The following SYCP2L variants were observed in gnomAD, a reference collection of about 807,000 sequenced individuals.
SYCP2L encodes synaptonemal complex protein 2-like.
Under a neutral mutation model 125.8 loss-of-function variants are expected in SYCP2L, and 98 were observed. That is an observed-to-expected ratio of 0.78 (90% CI 0.66 to 0.92). The LOEUF (loss-of-function observed/expected upper bound fraction) is 0.92. Among genes scored for constraint, SYCP2L ranks in the 40% least tolerant of loss-of-function variants. The probability of loss-of-function intolerance (pLI) is 0.00; values close to 1 mark genes in which losing one functional copy is unlikely to be tolerated. For missense variants in SYCP2L, 842 were observed against 936.4 expected (o/e 0.90, Z 1.32); for synonymous variants, 317 against 325.4 (o/e 0.97, Z 0.28).
Position 10,924,606 on chromosome 6 carries a change from C to G in SYCP2L, c.1183C>G (p.Gln395Glu). 1 of 1,593,730 alleles carries G rather than the reference C, an allele frequency of 6.3e-7. No homozygotes were observed. The highest frequency in any genetic ancestry group is 8.5e-7 in the Non-Finnish European group (1 of 1,174,092). The change falls in exon 15 of 30, where the codon CAA becomes GAA. Residue 395 changes from glutamine (Q) to glutamate (E), a missense_variant. Gln to Glu is a conservative substitution (Grantham distance 29). Coordinates refer to ENST00000283141, the MANE Select transcript of SYCP2L (RefSeq NM_001040274.3). ...TTTTGATTTGCAGTTCAACATATCA[C>G]AAGTTTCCATTCAAGCTTTAGGAGA... Reference protein sequence around the residue: ...IHFDLQFNISQVSIQALGEDK... With the variant: ...IHFDLQFNISEVSIQALGEDK...
chr6:10,892,361 A>G (rs1038171952), intron 2 of SYCP2L, among the ~76,000 whole-genome samples: 1 of 152,192 alleles, frequency 6.6e-6, no homozygotes, highest in South Asian at 2.1e-4. Context: ...GTGCAGTGGT[A>G]CAATCATGGC....
At chr6:10,907,008 A>G (rs1780509239) in intron 9 of SYCP2L, among the ~76,000 whole-genome samples, 1 of 151,978 alleles carries the variant, frequency 6.6e-6, no homozygotes, top group East Asian at 1.9e-4. Context: ...TTATATGCCA[A>G]CCTCTTGTTT....
At chr6:10,920,516 C>A (rs1003216704) in intron 14 of SYCP2L, among the ~76,000 whole-genome samples, 2 of 152,196 alleles carry the variant, frequency 1.3e-5, no homozygotes, top group African/African-American at 2.4e-5. Flanking sequence ...CGTGCCTGGC[C>A]TCCTTAGAAT....
chr6:10,917,607 A>G (rs1047906975), intron 14 of SYCP2L, among the ~76,000 whole-genome samples: 4 of 152,216 alleles, frequency 2.6e-5, no homozygotes, highest in Non-Finnish European at 4.4e-5. Context: ...GCAATTCTGT[A>G]TCTCTTAAGT....
At chr6:10,961,947 C>T (rs939039741) in intron 28 of SYCP2L, among the ~76,000 whole-genome samples, 10 of 152,072 alleles carry the variant, frequency 6.6e-5, no homozygotes, top group Non-Finnish European at 1.3e-4. Flanking sequence ...TTCTATTTTA[C>T]TCATTTACAC....
At chr6:10,936,396 C>T (rs549220606) in intron 21 of SYCP2L, among the ~76,000 whole-genome samples, 1 of 152,062 alleles carries the variant, frequency 6.6e-6, no homozygotes, top group Non-Finnish European at 1.5e-5. Context: ...ACTCGGGAGG[C>T]TGAGACAGGA....
At chr6:10,941,521 T>G (rs949924572) in intron 21 of SYCP2L, among the ~76,000 whole-genome samples, 52 of 152,278 alleles carry the variant, frequency 3.4e-4, no homozygotes, top group African/African-American at 1.2e-3. Flanking sequence ...AAGAAGACAT[T>G]TATGCAGCCA....
At chr6:10,895,969 A>C (rs7450257) in intron 4 of SYCP2L, among the ~76,000 whole-genome samples, 1 of 151,874 alleles carries the variant, frequency 6.6e-6, no homozygotes. Context: ...CCTTGCCAAC[A>C]TGGTGAAACC....
rs34079965 is a variant in SYCP2L, at chr6:10,942,761, C to CTT, written c.1954+30_1954+31dup. On this transcript the variant is annotated intron_variant, in intron 23 of 29. Coordinates refer to ENST00000283141, the MANE Select transcript of SYCP2L (RefSeq NM_001040274.3). ...GGAAGACAAAGGTAAGAGAATAGTA[C>CTT]TTTTTTTTTTTTTTTTGCAGAATAA... 1,266 of 1,404,486 alleles carry CTT rather than the reference C, an allele frequency of 9.0e-4. No individual in the cohort carries two copies. Among genetic ancestry groups the CTT allele is most frequent in the South Asian group, 1.5e-3 (113 of 74,676 alleles). 87.0% of individuals were successfully genotyped at this position (1,404,486 alleles called of 1,614,324 possible).
intron 14 of SYCP2L, among the ~76,000 whole-genome samples, chr6:10,919,926 C>T (rs1780763383): frequency 6.6e-6 from 1 of 152,042 alleles, no homozygotes; most frequent in Non-Finnish European, 1.5e-5. Flanking sequence ...CCCACGGTAC[C>T]CCCCACCCTC....
chr6:10,905,082 G>T (rs1198394003), intron 8 of SYCP2L, among the ~76,000 whole-genome samples: 2 of 139,436 alleles, frequency 1.4e-5, no homozygotes, highest in African/African-American at 5.3e-5. Context: ...AGAGTGCATT[G>T]CAGTGAGTCG....
intron 29 of SYCP2L, among the ~76,000 whole-genome samples, chr6:10,966,485 T>G (rs896804382): frequency 2.6e-5 from 4 of 152,124 alleles, no homozygotes; most frequent in African/African-American, 9.7e-5. Context: ...TCAGGACCAA[T>G]GGATGGGAGA....
chr6:10,957,592 C>T (rs1233742708), intron 25 of SYCP2L, among the ~76,000 whole-genome samples: 3 of 152,086 alleles, frequency 2.0e-5, no homozygotes, highest in Admixed American at 6.5e-5. Flanking sequence ...GGGGGAGAAT[C>T]GCTTGAGGCC....
chr6:10,947,189 A>G (rs1451795439), intron 23 of SYCP2L, among the ~76,000 whole-genome samples: 1 of 151,896 alleles, frequency 6.6e-6, no homozygotes, highest in Non-Finnish European at 1.5e-5. Context: ...CCCTGAAGAT[A>G]TTTTTGAGCT....
chr6:10,890,141 C>G lies in SYCP2L; in HGVS notation c.10-1372C>G, dbSNP rs536177972. 2.0e-5 allele frequency among the ~76,000 whole-genome samples: 3 copies of G among 152,278 alleles called. No homozygotes were observed. In the South Asian group the frequency reaches 6.2e-4, roughly 32 times the overall value. On this transcript the variant is annotated intron_variant, in intron 1 of 29. Transcript: ENST00000283141. Reference sequence around the variant, plus strand: ...ATGGACACTTAAGTTGATTCCATATCTTGGCTATTATGAATAGCGCTGCAG... The same window carrying G: ...ATGGACACTTAAGTTGATTCCATATGTTGGCTATTATGAATAGCGCTGCAG...
At chr6:10,928,265 G>C (rs536181619) in intron 17 of SYCP2L, 138 bp from the exon 18 acceptor site, 1 of 500,140 alleles carries the variant, frequency 2.0e-6, no homozygotes, top group Non-Finnish European at 3.5e-6. Context: ...ACAAGGGGAA[G>C]TGATAAGTGT....
intron 2 of SYCP2L, among the ~76,000 whole-genome samples, chr6:10,893,271 T>TA (rs1780206031): frequency 6.6e-6 from 1 of 152,244 alleles, no homozygotes; most frequent in South Asian, 2.1e-4. Flanking sequence ...GTGCTGGGAT[T>TA]ACAGGCGTGC....
In SYCP2L at chr6:10,891,599, T is replaced by C; in HGVS notation, c.78+18T>C. On this transcript the variant is annotated intron_variant, in intron 2 of 29. Coordinates refer to ENST00000283141, the MANE Select transcript of SYCP2L (RefSeq NM_001040274.3). ...CTTTCTGGGTAAAGATCAAGTTTCT[T>C]TTATAATCTCTCTCTGTGTGTGTGT... The C allele has an allele frequency of 6.9e-7, 1 of 1,442,204 alleles. No individual in the cohort carries two copies. The highest frequency in any genetic ancestry group is 9.7e-7 in the Non-Finnish European group (1 of 1,028,450). The allele number at this position is 1,442,204 out of a possible 1,614,324, so 89.3% of individuals were successfully genotyped here. A position where few individuals can be genotyped will look rare whatever the true frequency, so the allele number is the denominator to read the frequency against.
chr6:10,924,439 TTAAAA>T, intron 14 of SYCP2L, 52 bp from the exon 15 acceptor site: 1 of 1,386,918 alleles, frequency 7.2e-7, no homozygotes, highest in Non-Finnish European at 9.5e-7. Flanking sequence ...TGATAAAATT[TTAAAA>T]TAAAACATTG....
Sources: gnomAD v4.1 joint callset for allele counts (sites outside exome capture counted in the v4.1 genomes callset) on GRCh38, gnomAD v4.1.1 for gene constraint, MANE v1.5 for transcripts, NCBI Gene and HGNC (gene_info 2026-07-23, HGNC 2026-07-21) for gene names.